The following PTPRN2 variants were observed in gnomAD, a reference collection of about 807,000 sequenced individuals.
The protein encoded by PTPRN2 is protein tyrosine phosphatase receptor type N2.
PTPRN2 carries 74 observed loss-of-function variants against 118.8 expected under a neutral mutation model. That is an observed-to-expected ratio of 0.62 (90% CI 0.52 to 0.76). The LOEUF is 0.76. PTPRN2 is among the 30% of genes least tolerant of loss of function. The pLI is 0.00. For synonymous variants in PTPRN2, 641 were observed against 608.0 expected, an observed-to-expected ratio of 1.05 and a Z score of -0.80; for missense variants, 1,481 against 1,394.4, an observed-to-expected ratio of 1.06 and a Z score of -0.99.
rs116658362 is a variant in PTPRN2 at position 157,713,570 on chromosome 7, C to T, written c.1789-30633G>A. ...GCAAGAAATGCCATCAGCAAAGAGA[C>T]GGTGTGACGCCCGGCTCCCTCCCCG... On this transcript the variant is annotated intron_variant, in intron 12 of 22. Transcript: ENST00000389418. 9.2e-3 allele frequency among the ~76,000 whole-genome samples: 1,399 copies of T among 152,316 alleles called. 22 individuals are homozygous for T. The highest frequency in any genetic ancestry group is 0.031 in the African/African-American group (1,298 of 41,568).
At chr7:157,900,153 A>G (rs953541068) in intron 11 of PTPRN2, among the ~76,000 whole-genome samples, 1 of 152,188 alleles carries the variant, frequency 6.6e-6, no homozygotes, top group East Asian at 1.9e-4. Flanking sequence ...TAATGAGAAA[A>G]ATCCAATCTG....
At chr7:157,684,099 G>A (rs1797046310) in intron 12 of PTPRN2, among the ~76,000 whole-genome samples, 1 of 151,990 alleles carries the variant, frequency 6.6e-6, no homozygotes, top group South Asian at 2.1e-4. Context: ...ATGTCAGGCC[G>A]GGCCCGTTTT....
At chr7:157,774,699 A>G (rs959130681) in intron 12 of PTPRN2, among the ~76,000 whole-genome samples, 4 of 152,174 alleles carry the variant, frequency 2.6e-5, no homozygotes, top group Non-Finnish European at 4.4e-5. Context: ...AGGACCCCAG[A>G]GTGACTCAGC....
chr7:158,489,790 G>C lies in PTPRN2; in HGVS notation c.113-5C>G. The C allele has an allele frequency of 1.3e-6, 2 of 1,568,800 alleles. No homozygotes were observed. On this transcript the variant is annotated splice_region_variant and splice_polypyrimidine_tract_variant and intron_variant, in intron 1 of 22. Transcript: ENST00000389418. Reference sequence around the variant, plus strand: ...GGCCCTCCTCGAGCAGGCAGCCTGCGGGGAAACAGAGAAGAGACGCGGTCA... The same window carrying C: ...GGCCCTCCTCGAGCAGGCAGCCTGCCGGGAAACAGAGAAGAGACGCGGTCA...
chr7:157,649,272 G>A (rs1456659666), intron 14 of PTPRN2, among the ~76,000 whole-genome samples: 1 of 93,940 alleles, frequency 1.1e-5, no homozygotes, highest in African/African-American at 3.5e-5. Flanking sequence ...CACTGAACTC[G>A]GTGGGTCGGA....
At chr7:158,262,289 C>T (rs1459679081) in intron 3 of PTPRN2, among the ~76,000 whole-genome samples, 1 of 151,750 alleles carries the variant, frequency 6.6e-6, no homozygotes, top group Non-Finnish European at 1.5e-5. Flanking sequence ...CACATTCACA[C>T]ACACCGCACA....
At chr7:158,403,063 G>A (rs544757518) in intron 2 of PTPRN2, among the ~76,000 whole-genome samples, 149 of 152,286 alleles carry the variant, frequency 9.8e-4, no homozygotes, top group African/African-American at 3.5e-3. Flanking sequence ...TTCCCAGGGG[G>A]TTCATTCTCG....
chr7:157,691,148 A>G (rs1457346405), intron 12 of PTPRN2, among the ~76,000 whole-genome samples: 1 of 143,822 alleles, frequency 7.0e-6, no homozygotes, highest in African/African-American at 2.6e-5. Flanking sequence ...GCCCGAGACT[A>G]TGAATGGACA....
Position 157,611,622 on chromosome 7 carries a change from C to A in PTPRN2, c.2345-7547G>T, listed in dbSNP as rs867643224. On this transcript the variant is annotated intron_variant, in intron 15 of 22. Transcript: ENST00000389418. The surrounding 1 kb of genome is among the most constrained non-coding windows in gnomAD (Gnocchi z 5.9). ...GGTAAGCGAGCGGAGGGCATTTGGG[C>A]GGCCCTAATGCAATATGACTGGCGT... 6.6e-6 allele frequency among the ~76,000 whole-genome samples: 1 copy of A among 152,158 alleles called. No individual in the cohort carries two copies. Among genetic ancestry groups the A allele is most frequent in the Non-Finnish European group, 1.5e-5 (1 of 68,032 alleles).
chr7:158,400,124 T>C (rs544556050), intron 2 of PTPRN2, among the ~76,000 whole-genome samples: 2 of 152,324 alleles, frequency 1.3e-5, no homozygotes, highest in South Asian at 4.1e-4. Context: ...GTTAAAGCTG[T>C]GCTTTCTGAC....
At chr7:158,342,665 C>T (rs942904206) in intron 2 of PTPRN2, among the ~76,000 whole-genome samples, 1 of 152,144 alleles carries the variant, frequency 6.6e-6, no homozygotes, top group Non-Finnish European at 1.5e-5. Flanking sequence ...TTATGATAAC[C>T]CTTAGTGGCA....
chr7:158,551,163 C>T (rs1826629760), intron 1 of PTPRN2, among the ~76,000 whole-genome samples: 1 of 152,242 alleles, frequency 6.6e-6, no homozygotes, highest in Non-Finnish European at 1.5e-5. Flanking sequence ...GGTGCTGGCA[C>T]AGCTGGGCTC....
intron 2 of PTPRN2, among the ~76,000 whole-genome samples, chr7:158,341,999 C>T (rs1198027991): frequency 6.7e-6 from 1 of 149,880 alleles, no homozygotes; most frequent in Admixed American, 6.6e-5. Flanking sequence ...TAAGAGGTGA[C>T]ACCTGCAGAC....
intron 1 of PTPRN2, among the ~76,000 whole-genome samples, chr7:158,542,612 C>T (rs1826053437): frequency 6.6e-6 from 1 of 152,230 alleles, no homozygotes; most frequent in African/African-American, 2.4e-5. Flanking sequence ...CCATCCCTCT[C>T]CCAGCGGAGC....
intron 11 of PTPRN2, among the ~76,000 whole-genome samples, chr7:157,976,986 T>C (rs754454771): frequency 1.3e-5 from 2 of 151,888 alleles, no homozygotes; most frequent in Non-Finnish European, 2.9e-5. Flanking sequence ...GGAATCGTTA[T>C]AGATTTCGTC....
At chr7:157,557,361 T>A (rs114706007) in intron 21 of PTPRN2, among the ~76,000 whole-genome samples, 3,152 of 151,918 alleles carry the variant, frequency 0.021, 113 homozygotes, top group African/African-American at 0.073. Context: ...TATACCTACA[T>A]TCAGGATCAC....
At chr7:157,972,828 C>T (rs1364349763) in intron 11 of PTPRN2, among the ~76,000 whole-genome samples, 3 of 137,616 alleles carry the variant, frequency 2.2e-5, no homozygotes, top group African/African-American at 8.2e-5. Flanking sequence ...AGAAACTCCA[C>T]ACCACGAGAA....
chr7:157,631,405 T>C (rs1803933465), intron 14 of PTPRN2, among the ~76,000 whole-genome samples: 1 of 152,104 alleles, frequency 6.6e-6, no homozygotes, highest in East Asian at 1.9e-4. Context: ...TAAAACTTTT[T>C]CATCATTGAA....
In PTPRN2 at chr7:157,729,511, G is replaced by C. The variant is rs1455813575; in HGVS notation, c.1789-46574C>G. Among the ~76,000 whole-genome samples the C allele has an allele frequency of 6.6e-6, 1 of 152,200 alleles. No homozygotes were observed. On this transcript the variant is annotated intron_variant, in intron 12 of 22. Coordinates refer to ENST00000389418, the MANE Select transcript of PTPRN2 (RefSeq NM_002847.5). The surrounding 1 kb of genome is among the most constrained non-coding windows in gnomAD (Gnocchi z 4.3). ...ATGCAAAGTTCCCCGAAGGCAGGTG[G>C]GCACTGTGCTGGTGCTGTCCGAGTG...
Sources: gnomAD v4.1 joint callset for allele counts (sites outside exome capture counted in the v4.1 genomes callset) on GRCh38, gnomAD v4.1.1 for gene constraint, Gnocchi (gnomAD v3.1) non-coding constraint, MANE v1.5 for transcripts, NCBI Gene and HGNC (gene_info 2026-07-23, HGNC 2026-07-21) for gene names.